MINDY3: variants seen among roughly 807,000 people sequenced by gnomAD.
MINDY3 encodes MINDY lysine 48 deubiquitinase 3.
Under a neutral mutation model 69.2 loss-of-function variants are expected in MINDY3, and 38 were observed. The observed-to-expected ratio is 0.55, with a 90% CI of 0.42 to 0.72. The LOEUF (loss-of-function observed/expected upper bound fraction) is 0.72, where lower values mean the gene tolerates loss of function less well. MINDY3 is among the 30% of genes least tolerant of loss of function. The pLI is 0.00. For synonymous variants in MINDY3, 192 were observed against 180.1 expected (o/e 1.07, Z -0.53); for missense variants, 522 against 519.0 (o/e 1.01, Z -0.06).
intron 1 of MINDY3, among the ~76,000 whole-genome samples, chr10:15,851,635 C>T (rs1256875814): frequency 6.6e-6 from 1 of 152,068 alleles, no homozygotes; most frequent in African/African-American, 2.4e-5. Context: ...CTCCAGTCCA[C>T]CCTATAGTTC....
chr10:15,847,286 A>G (rs1209590201), intron 2 of MINDY3, among the ~76,000 whole-genome samples: 1 of 152,230 alleles, frequency 6.6e-6, no homozygotes, highest in Non-Finnish European at 1.5e-5. Flanking sequence ...AAGATTCCAA[A>G]TCAAATAAAG....
chr10:15,804,262 G>GT (rs2131922213), intron 10 of MINDY3, among the ~76,000 whole-genome samples: 1 of 152,160 alleles, frequency 6.6e-6, no homozygotes, highest in East Asian at 1.9e-4. Flanking sequence ...GGACCAAGCT[G>GT]TTAATGGGAC....
intron 9 of MINDY3, 83 bp downstream of exon 9, chr10:15,821,573 G>T: frequency 2.0e-6 from 2 of 1,002,392 alleles, no homozygotes; most frequent in Non-Finnish European, 3.1e-6. Context: ...GTGCTCAAAT[G>T]TGCTGTCAGA....
chr10:15,799,078 G>C (rs1838060561), intron 10 of MINDY3, among the ~76,000 whole-genome samples: 1 of 152,028 alleles, frequency 6.6e-6, no homozygotes, highest in South Asian at 2.1e-4. Flanking sequence ...CAAAACACAT[G>C]GCCATGGCTA....
rs754097822 is a variant in MINDY3, at chr10:15,804,470, A to G, written c.883-8298T>C. Among the ~76,000 whole-genome samples, 19 of 152,274 alleles carry G rather than the reference A, an allele frequency of 1.2e-4. No homozygotes were observed. In the South Asian group the frequency reaches 3.5e-3, roughly 28 times the overall value. On this transcript the variant is annotated intron_variant, in intron 10 of 14. Transcript: ENST00000277632. Reference sequence around the variant, plus strand: ...GTAATTCATTACTGAAAAGGTCTTTAAAGTTTTTCTCATTAAGCCTTTCAT... The same window carrying G: ...GTAATTCATTACTGAAAAGGTCTTTGAAGTTTTTCTCATTAAGCCTTTCAT...
intron 1 of MINDY3, chr10:15,857,899 C>T (rs2132161483): frequency 1.0e-6 from 1 of 963,130 alleles, no homozygotes; most frequent in East Asian, 1.1e-4. Context: ...TGCCAAACAT[C>T]TTACATCTGT....
chr10:15,817,111 C>T (rs959187746), intron 9 of MINDY3, 196 bp from the exon 10 acceptor site: 1 of 522,966 alleles, frequency 1.9e-6, no homozygotes, highest in Non-Finnish European at 3.3e-6. Flanking sequence ...CAGTACTGAG[C>T]TTATATTGTG....
intron 9 of MINDY3, among the ~76,000 whole-genome samples, chr10:15,821,108 A>C (rs1325818860): frequency 1.3e-5 from 2 of 152,224 alleles, no homozygotes; most frequent in Non-Finnish European, 2.9e-5. Flanking sequence ...AGAATGAAAT[A>C]AACAGCAATA....
chr10:15,831,259 A>T (rs1200164409), intron 8 of MINDY3, among the ~76,000 whole-genome samples: 1 of 152,196 alleles, frequency 6.6e-6, no homozygotes. Context: ...CCAACCAATG[A>T]AACTTGTAAT....
At chr10:15,786,420 G>A in intron 13 of MINDY3, 141 bp downstream of exon 13, 1 of 619,708 alleles carries the variant, frequency 1.6e-6, no homozygotes, top group Non-Finnish European at 2.9e-6. Context: ...CCCTCTGTCT[G>A]GGAAGGTTTC....
rs1213527980 is a variant in MINDY3, at chr10:15,778,368, A to G, written c.*624T>C. 3 of 152,194 alleles carry G rather than the reference A, an allele frequency of 2.0e-5. No homozygotes were observed. The highest frequency in any genetic ancestry group is 7.2e-5 in the African/African-American group (3 of 41,458). The allele number at this position is 152,194 out of a possible 1,614,324, so 9.4% of individuals were successfully genotyped here. Reference sequence around the variant, plus strand: ...ACAGTAAAAGTTAACAGTGTTGACTATCAGATTCTCTTTTCTGTCAGTTTT... The same window carrying G: ...ACAGTAAAAGTTAACAGTGTTGACTGTCAGATTCTCTTTTCTGTCAGTTTT... On this transcript the variant is annotated 3_prime_UTR_variant, in exon 15 of 15. Transcript: ENST00000277632.
intron 1 of MINDY3, among the ~76,000 whole-genome samples, chr10:15,848,975 A>G (rs1452568710): frequency 6.6e-6 from 1 of 152,270 alleles, no homozygotes; most frequent in Non-Finnish European, 1.5e-5. Context: ...ATCTGATATT[A>G]TGCCAATCAT....
chr10:15,799,317 G>A (rs187641884), intron 10 of MINDY3, among the ~76,000 whole-genome samples: 2 of 152,108 alleles, frequency 1.3e-5, no homozygotes, highest in Admixed American at 6.6e-5. Context: ...CTCTGCCCCA[G>A]CCTCCCTAGT....
intron 9 of MINDY3, among the ~76,000 whole-genome samples, chr10:15,818,353 A>G (rs1242168753): frequency 6.6e-6 from 1 of 152,164 alleles, no homozygotes; most frequent in Admixed American, 6.5e-5. Context: ...GATAAGATCA[A>G]AGAATAAATG....
intron 13 of MINDY3, among the ~76,000 whole-genome samples, chr10:15,786,001 T>C (rs1273950726): frequency 6.6e-6 from 1 of 152,142 alleles, no homozygotes; most frequent in Non-Finnish European, 1.5e-5. Context: ...AGATGGGTAT[T>C]GGATATAGAA....
intron 10 of MINDY3, among the ~76,000 whole-genome samples, chr10:15,810,702 G>A (rs1222958460): frequency 1.3e-5 from 2 of 152,014 alleles, no homozygotes; most frequent in Non-Finnish European, 2.9e-5. Flanking sequence ...ACTGCTCTAG[G>A]ACCTGGCAAA....
intron 8 of MINDY3, among the ~76,000 whole-genome samples, chr10:15,831,762 G>A (rs552105357): frequency 4.8e-5 from 7 of 145,066 alleles, no homozygotes; most frequent in African/African-American, 1.0e-4. Context: ...TGCAACCTCC[G>A]CCTCCCGGGT....
At chr10:15,819,115 T>C (rs1839579549) in intron 9 of MINDY3, among the ~76,000 whole-genome samples, 1 of 152,176 alleles carries the variant, frequency 6.6e-6, no homozygotes, top group African/African-American at 2.4e-5. Context: ...TTTCATCACC[T>C]TAATTGTATT....
intron 8 of MINDY3, among the ~76,000 whole-genome samples, chr10:15,828,623 T>G (rs1473540183): frequency 6.6e-6 from 1 of 152,110 alleles, no homozygotes; most frequent in Non-Finnish European, 1.5e-5. Flanking sequence ...TAATACACTT[T>G]CTACTTTTAG....
Sources: allele counts gnomAD v4.1 joint callset (sites outside exome capture counted in the v4.1 genomes callset), GRCh38; gene constraint gnomAD v4.1.1; transcripts MANE v1.5; gene names NCBI Gene and HGNC (gene_info 2026-07-23, HGNC 2026-07-21).